The following MSL2 variants were observed in gnomAD, a reference collection of about 807,000 sequenced individuals.
MSL2 encodes the protein E3 ubiquitin-protein ligase MSL2.
In MSL2, 2 loss-of-function variants were observed where a neutral mutation model predicts 35.8. That is an observed-to-expected ratio of 0.06 (90% confidence interval 0.02 to 0.18). MSL2 has a LOEUF of 0.18. Among genes scored for constraint, MSL2 ranks in the 10% least tolerant of loss-of-function variants. MSL2 has a pLI of 1.00. For missense variants in MSL2, 523 were observed against 706.7 expected, an observed-to-expected ratio of 0.74 and a Z score of 2.95; for synonymous variants, 296 against 255.7, an observed-to-expected ratio of 1.16 and a Z score of -1.50.
chr3:136,171,064 A>C (rs1341013863), intron 1 of MSL2, among the ~76,000 whole-genome samples: 3 of 152,110 alleles, frequency 2.0e-5, no homozygotes, highest in African/African-American at 7.2e-5. Flanking sequence ...AAAAGTAATC[A>C]TTTTCTTTCA....
intron 1 of MSL2, among the ~76,000 whole-genome samples, chr3:136,157,070 TC>T (rs1006078307): frequency 6.6e-6 from 1 of 152,110 alleles, no homozygotes; most frequent in African/African-American, 2.4e-5. Flanking sequence ...AAGTCTCAAG[TC>T]AATAACCAAA....
At chr3:136,192,170 A>G (rs1305546725) in intron 1 of MSL2, among the ~76,000 whole-genome samples, 1 of 152,190 alleles carries the variant, frequency 6.6e-6, no homozygotes, top group Non-Finnish European at 1.5e-5. Flanking sequence ...TAGACAAGAA[A>G]GATAACTTTT....
rs867458481 is a variant in MSL2, at chr3:136,180,734, A to G, written c.142+14238T>C. Among the ~76,000 whole-genome samples, 380 of 131,824 alleles carry G rather than the reference A, an allele frequency of 2.9e-3. 4 individuals carry two copies. Among genetic ancestry groups the G allele is most frequent in the African/African-American group, 6.5e-3 (235 of 35,896 alleles). The allele number at this position is 131,824 out of a possible 152,430, so 86.5% of individuals were successfully genotyped here. Reference sequence around the variant, plus strand: ...AGAAAAAACAAAAGAAAAGAAAAGAAGAGGAGGAGAGGAGGGAAGGAGGGA... The same window carrying G: ...AGAAAAAACAAAAGAAAAGAAAAGAGGAGGAGGAGAGGAGGGAAGGAGGGA... On this transcript the variant is annotated intron_variant, in intron 1 of 1. Transcript: ENST00000309993.
chr3:136,158,571 G>C (rs10222451), intron 1 of MSL2, among the ~76,000 whole-genome samples: 30,026 of 152,028 alleles, frequency 0.2, 3,456 homozygotes, highest in Non-Finnish European at 0.27. Context: ...GATGCCTGCT[G>C]TTGCCACTTC....
At chr3:136,185,825 A>G (rs1940504951) in intron 1 of MSL2, among the ~76,000 whole-genome samples, 1 of 152,182 alleles carries the variant, frequency 6.6e-6, no homozygotes, top group Non-Finnish European at 1.5e-5. Flanking sequence ...CTCCTCAGGA[A>G]TGACAAAGCT....
chr3:136,170,507 C>CT (rs1939994776), intron 1 of MSL2, among the ~76,000 whole-genome samples: 1 of 142,674 alleles, frequency 7.0e-6, no homozygotes, highest in South Asian at 2.2e-4. Flanking sequence ...AAAACTCTGT[C>CT]CTTTTTTTTT....
At chr3:136,187,635 A>G (rs188199002) in intron 1 of MSL2, among the ~76,000 whole-genome samples, 21 of 151,652 alleles carry the variant, frequency 1.4e-4, no homozygotes, top group Admixed American at 1.2e-3. Flanking sequence ...ACACCACTGC[A>G]CTCCAGCCTG....
At chr3:136,159,724 A>G (rs1289210213) in intron 1 of MSL2, among the ~76,000 whole-genome samples, 1 of 152,082 alleles carries the variant, frequency 6.6e-6, no homozygotes, top group East Asian at 1.9e-4. Context: ...AAATGCCAAA[A>G]GGAAAAAAAC....
intron 1 of MSL2, among the ~76,000 whole-genome samples, chr3:136,162,341 G>C (rs941793272): frequency 2.7e-5 from 4 of 150,516 alleles, no homozygotes; most frequent in African/African-American, 9.7e-5. Flanking sequence ...CCAGCAGTTT[G>C]AGAGGCCAGC....
chr3:136,160,136 C>T lies in MSL2; in HGVS notation c.143-7398G>A, dbSNP rs1576358461. 2.6e-5 allele frequency among the ~76,000 whole-genome samples: 4 copies of T among 151,320 alleles called. No homozygotes were observed. The East Asian group carries it at 5.9e-4, about 22-fold the overall frequency. ...AAAATATAAAATAAAATTAGCTAGG[C>T]GTGATGGCACACGCCTGTAGTCCCA... On this transcript the variant is annotated intron_variant, in intron 1 of 1. Coordinates refer to ENST00000309993, the MANE Select transcript of MSL2 (RefSeq NM_018133.4).
At chr3:136,161,860 C>T (rs190685550) in intron 1 of MSL2, among the ~76,000 whole-genome samples, 2 of 152,160 alleles carry the variant, frequency 1.3e-5, no homozygotes, top group East Asian at 3.9e-4. Flanking sequence ...AATGCCAATG[C>T]AAGGATCCCT....
intron 1 of MSL2, among the ~76,000 whole-genome samples, chr3:136,188,036 C>G (rs955158358): frequency 1.3e-5 from 2 of 152,156 alleles, no homozygotes; most frequent in Non-Finnish European, 2.9e-5. Flanking sequence ...CCCTGAATAA[C>G]CACTATAGGG....
At chr3:136,170,934 A>G (rs1333652072) in intron 1 of MSL2, among the ~76,000 whole-genome samples, 1 of 152,170 alleles carries the variant, frequency 6.6e-6, no homozygotes, top group Non-Finnish European at 1.5e-5. Flanking sequence ...CAATGATGGG[A>G]GGGAAAAGAG....
chr3:136,151,414 G>A lies in MSL2; in HGVS notation c.1467C>T (p.Ala489=), dbSNP rs779049211. The A allele has an allele frequency of 6.2e-7, 1 of 1,614,190 alleles. No homozygotes were observed. Among genetic ancestry groups the A allele is most frequent in the Non-Finnish European group, 8.5e-7 (1 of 1,180,036 alleles). ...AGCCACGACATATACAATCTAAGCA[G>A]GCTTTGCGGTTAGAGTAGCAAGGGC... The part of the protein sequence containing the change: ...QRCPCYSNRK[A]CLDCICRGCQ... The change falls in exon 2 of 2, where the codon GCC becomes GCT. Residue 489 remains alanine (A), a synonymous_variant. Transcript: ENST00000309993. The surrounding 1 kb of genome is among the most constrained non-coding windows in gnomAD (Gnocchi z 5.2).
intron 1 of MSL2, among the ~76,000 whole-genome samples, chr3:136,179,444 A>T (rs987424318): frequency 8.5e-5 from 13 of 152,156 alleles, no homozygotes; most frequent in Non-Finnish European, 1.6e-4. Context: ...TGGCATCTCA[A>T]GTGCTGGGAT....
intron 1 of MSL2, among the ~76,000 whole-genome samples, chr3:136,188,608 G>A (rs1182972036): frequency 6.6e-6 from 1 of 151,686 alleles, no homozygotes; most frequent in Non-Finnish European, 1.5e-5. Context: ...AATTTAGCAG[G>A]GCATTGATGG....
At chr3:136,167,165 T>C (rs1316558932) in intron 1 of MSL2, among the ~76,000 whole-genome samples, 2 of 152,074 alleles carry the variant, frequency 1.3e-5, no homozygotes, top group Admixed American at 6.6e-5. Context: ...ATAATGATCA[T>C]AAAATGGCAA....
At position 136,195,275 on chromosome 3, in the gene MSL2, G is replaced by T. The variant is rs1940803433; in HGVS notation, c.-162C>A. ...AAAATCCGTGCAAGTTTGTGGAGCTGAAACAATCCTCCCACACATGGGGCC... is the reference window on the plus strand; with the variant it reads ...AAAATCCGTGCAAGTTTGTGGAGCTTAAACAATCCTCCCACACATGGGGCC... On this transcript the variant is annotated 5_prime_UTR_variant, in exon 1 of 2. It introduces an in-frame stop codon into an upstream open reading frame of the 5' UTR. Coordinates refer to ENST00000309993, the MANE Select transcript of MSL2 (RefSeq NM_018133.4). 2.8e-6 allele frequency: 4 copies of T among 1,449,112 alleles called. No homozygotes were observed. In the Admixed American group the frequency reaches 1.1e-4, roughly 41 times the overall value. 89.8% of individuals were successfully genotyped at this position (1,449,112 alleles called of 1,614,324 possible). A position where few individuals can be genotyped will look rare whatever the true frequency, so the allele number is the denominator to read the frequency against.
intron 1 of MSL2, among the ~76,000 whole-genome samples, chr3:136,191,552 C>T (rs1199296941): frequency 1.3e-5 from 2 of 151,650 alleles, no homozygotes; most frequent in East Asian, 1.9e-4. Context: ...GGCCAAGGCA[C>T]AAGGATAGTT....
Sources: gnomAD v4.1 joint callset for allele counts (sites outside exome capture counted in the v4.1 genomes callset) on GRCh38, gnomAD v4.1.1 for gene constraint, Gnocchi (gnomAD v3.1) non-coding constraint, MANE v1.5 for transcripts, NCBI Gene and HGNC (gene_info 2026-07-23, HGNC 2026-07-21) for gene names.